LEO1: variants seen among roughly 807,000 people sequenced by gnomAD.
The protein encoded by LEO1 is LEO1 component of Paf1/RNA polymerase II complex.
LEO1 carries 34 observed loss-of-function variants against 80.4 expected under a neutral mutation model. That is an observed-to-expected ratio of 0.42 (90% CI 0.32 to 0.56). The LOEUF (loss-of-function observed/expected upper bound fraction) is 0.56, where lower values mean the gene tolerates loss of function less well. Among genes scored for constraint, LEO1 ranks in the 20% least tolerant of loss-of-function variants. The pLI is 0.10. For missense variants in LEO1, 631 were observed against 814.2 expected, an observed-to-expected ratio of 0.77 and a Z score of 2.74; for synonymous variants, 262 against 274.9, an observed-to-expected ratio of 0.95 and a Z score of 0.46.
chr15:51,959,089 G>A (rs745586035), intron 5 of LEO1, among the ~76,000 whole-genome samples: 2 of 149,188 alleles, frequency 1.3e-5, no homozygotes, highest in African/African-American at 2.5e-5. Context: ...CACAACCTCC[G>A]CCTCCCAGGT....
At chr15:51,969,321 A>G (rs1233529118) in intron 1 of LEO1, among the ~76,000 whole-genome samples, 5 of 151,584 alleles carry the variant, frequency 3.3e-5, no homozygotes, top group Admixed American at 3.3e-4. Flanking sequence ...AGTTACACAA[A>G]TGGCCAATAA....
intron 11 of LEO1, among the ~76,000 whole-genome samples, chr15:51,946,568 T>C (rs1459164494): frequency 6.6e-6 from 1 of 152,104 alleles, no homozygotes; most frequent in Non-Finnish European, 1.5e-5. Context: ...TTCTTTTTTT[T>C]TTTTTGAGAC....
intron 1 of LEO1, among the ~76,000 whole-genome samples, chr15:51,968,218 A>G (rs2057093819): frequency 6.6e-6 from 1 of 151,744 alleles, no homozygotes; most frequent in South Asian, 2.1e-4. Flanking sequence ...TGCTAAGTTA[A>G]GTTCAAAACT....
intron 9 of LEO1, 47 bp downstream of exon 9, chr15:51,951,797 A>G: frequency 6.4e-7 from 1 of 1,562,504 alleles, no homozygotes; most frequent in African/African-American, 1.4e-5. Flanking sequence ...ATACTTGCCT[A>G]ATATACCAAA....
rs554299311 is a variant in LEO1, at chr15:51,956,611, C to T, written c.1246-2036G>A. 5.9e-5 allele frequency among the ~76,000 whole-genome samples: 9 copies of T among 152,206 alleles called. No individual in the cohort carries two copies. In the South Asian group the frequency reaches 1.9e-3, roughly 32 times the overall value. ...GAAGACAGGGGACCTCAGAGAGGTA[C>T]ATAAGCTGTACCTGGTTCCCTGGTT... On this transcript the variant is annotated intron_variant, in intron 6 of 11. Transcript: ENST00000299601.
At position 51,939,058 on chromosome 15, in the gene LEO1, G is replaced by A. The variant is rs564041636; in HGVS notation, c.1897-798C>T. Among the ~76,000 whole-genome samples the A allele has an allele frequency of 2.0e-3, 303 of 152,252 alleles. 2 individuals are homozygous for A. The highest frequency in any genetic ancestry group is 2.8e-3 in the Non-Finnish European group (191 of 68,004). ...AAATTAGCCAGGTGTGGTGGCGCAC[G>A]CCTGTAATCCCAGCTACTCGAGAGA... On this transcript the variant is annotated intron_variant, in intron 11 of 11. Transcript: ENST00000299601.
intron 9 of LEO1, 38 bp downstream of exon 9, chr15:51,951,806 A>C (rs763625883): frequency 1.3e-6 from 2 of 1,585,606 alleles, no homozygotes; most frequent in Admixed American, 1.7e-5. Flanking sequence ...TAATATACCA[A>C]AGAATCCCAG....
At chr15:51,943,776 AT>A (rs1253785562) in intron 11 of LEO1, among the ~76,000 whole-genome samples, 5 of 126,586 alleles carry the variant, frequency 3.9e-5, no homozygotes, top group African/African-American at 1.4e-4. Context: ...GAGAGAAGTG[AT>A]TAAAAAAAAA....
chr15:51,961,439 C>A (rs1469733261), intron 3 of LEO1, among the ~76,000 whole-genome samples: 1 of 151,864 alleles, frequency 6.6e-6, no homozygotes, highest in Admixed American at 6.6e-5. Context: ...GTTGCTCAGG[C>A]TGGACTGCAG....
chr15:51,957,362 C>T (rs985698647), intron 6 of LEO1, among the ~76,000 whole-genome samples: 5 of 152,094 alleles, frequency 3.3e-5, no homozygotes, highest in African/African-American at 1.2e-4. Flanking sequence ...AAAATTGATA[C>T]TGCTAAGCCT....
Position 51,947,211 on chromosome 15 carries a change from CTGATCTG to C in LEO1, c.1896+74_1896+80del. On this transcript the variant is annotated intron_variant, in intron 11 of 11. Transcript: ENST00000299601. ...GTGTAGACAACTAATTTGTGCCTGC[CTGATCTG>C]TGAGCTCTTCATTCAAAGCAGTTGG... 4 of 891,508 alleles carry C rather than the reference CTGATCTG, an allele frequency of 4.5e-6. No homozygotes were observed. In the Admixed American group the frequency reaches 7.1e-5, roughly 16 times the overall value. 55.2% of individuals were successfully genotyped at this position (891,508 alleles called of 1,614,324 possible).
chr15:51,953,957 G>A (rs1414656005), intron 7 of LEO1, among the ~76,000 whole-genome samples: 3 of 147,760 alleles, frequency 2.0e-5, no homozygotes, highest in Admixed American at 1.4e-4. Context: ...TTTTTGAGAC[G>A]GCATCTAGTT....
At chr15:51,952,054 A>T in intron 8 of LEO1, 75 bp from the exon 9 acceptor site, 1 of 1,349,174 alleles carries the variant, frequency 7.4e-7, no homozygotes, top group Non-Finnish European at 1.0e-6. Context: ...CACGTCACAG[A>T]AGTAAGAGCC....
At chr15:51,961,385 T>TGGTTGC (rs1283474972) in intron 3 of LEO1, among the ~76,000 whole-genome samples, 1 of 151,742 alleles carries the variant, frequency 6.6e-6, no homozygotes, top group East Asian at 1.9e-4. Context: ...GTGGTGGTGG[T>TGGTTGC]GGTTGCGGTT....
chr15:51,941,029 C>T (rs1223181513), intron 11 of LEO1, among the ~76,000 whole-genome samples: 14 of 151,922 alleles, frequency 9.2e-5, no homozygotes, highest in Admixed American at 3.3e-4. Context: ...GCTGAGATCG[C>T]GGCGCTGCAC....
intron 5 of LEO1, 128 bp from the exon 6 acceptor site, chr15:51,958,954 G>T: frequency 2.0e-6 from 1 of 507,424 alleles, no homozygotes; most frequent in Non-Finnish European, 3.4e-6. Flanking sequence ...AAATCATAAT[G>T]ATCAATATCT....
At chr15:51,969,309 A>G (rs1226388207) in intron 1 of LEO1, among the ~76,000 whole-genome samples, 3 of 152,038 alleles carry the variant, frequency 2.0e-5, no homozygotes, top group Non-Finnish European at 4.4e-5. Context: ...TTCTCCAAAC[A>G]AAGTTACACA....
At chr15:51,963,986 C>T (rs186250798) in intron 2 of LEO1, among the ~76,000 whole-genome samples, 115 of 151,398 alleles carry the variant, frequency 7.6e-4, no homozygotes, top group East Asian at 7.8e-4. Context: ...GCAGGCGGAT[C>T]ACGAGGTCAG....
In LEO1 at chr15:51,938,130, T is replaced by C. The variant is rs373073490; in HGVS notation, c.*26A>G. ...ATATTTATAACTGTACAATAAAATATATAAAATGTTTTCATATTTCATACT... is the reference window on the plus strand; with the variant it reads ...ATATTTATAACTGTACAATAAAATACATAAAATGTTTTCATATTTCATACT... On this transcript the variant is annotated 3_prime_UTR_variant, in exon 12 of 12. Coordinates refer to ENST00000299601, the MANE Select transcript of LEO1 (RefSeq NM_138792.4). 89 of 1,174,028 alleles carry C rather than the reference T, an allele frequency of 7.6e-5. No homozygotes were observed. The African/African-American group carries it at 1.2e-3, about 16-fold the overall frequency. The allele number at this position is 1,174,028 out of a possible 1,614,324, so 72.7% of individuals were successfully genotyped here. A position where few individuals can be genotyped will look rare whatever the true frequency, so the allele number is the denominator to read the frequency against.
Sources: gnomAD v4.1 joint callset for allele counts (sites outside exome capture counted in the v4.1 genomes callset) on GRCh38, gnomAD v4.1.1 for gene constraint, MANE v1.5 for transcripts, NCBI Gene and HGNC (gene_info 2026-07-23, HGNC 2026-07-21) for gene names.